Variants in CBLB observed in about 807,000 individuals in gnomAD.
The protein encoded by CBLB is E3 ubiquitin-protein ligase CBL-B.
Under a neutral mutation model 104.9 loss-of-function variants are expected in CBLB, and 31 were observed. The observed-to-expected ratio is 0.30, with a 90% CI of 0.22 to 0.40. The LOEUF (loss-of-function observed/expected upper bound fraction) is 0.40. Ranked by LOEUF, CBLB falls within the 10% of genes least tolerant of loss-of-function variation. The probability of loss-of-function intolerance (pLI) is 1.00; values close to 1 mark genes in which losing one functional copy is unlikely to be tolerated. For synonymous variants in CBLB, 440 were observed against 422.6 expected (o/e 1.04, Z -0.51); for missense variants, 1,062 against 1,214.6 (o/e 0.87, Z 1.87).
At chr3:105,682,057 G>A in intron 14 of CBLB, 1 of 482,158 alleles carries the variant, frequency 2.1e-6, no homozygotes, top group South Asian at 2.4e-5. Flanking sequence ...AATTACAAGG[G>A]CCACAAAAAT....
chr3:105,684,508 G>C (rs2066749611), intron 14 of CBLB, among the ~76,000 whole-genome samples: 1 of 151,504 alleles, frequency 6.6e-6, no homozygotes, highest in Admixed American at 6.6e-5. Context: ...CCATGTAAGT[G>C]AGAATAAGCC....
chr3:105,809,150 C>T (rs900428105), intron 3 of CBLB, among the ~76,000 whole-genome samples: 2 of 152,196 alleles, frequency 1.3e-5, no homozygotes, highest in Admixed American at 6.5e-5. Flanking sequence ...GACAAATACA[C>T]ACATAAAGCA....
chr3:105,852,081 C>T (rs1201295348), intron 3 of CBLB, among the ~76,000 whole-genome samples: 1 of 152,086 alleles, frequency 6.6e-6, no homozygotes, highest in Non-Finnish European at 1.5e-5. Flanking sequence ...ATACTATAAA[C>T]TTTTTAACAT....
At chr3:105,738,346 C>A (rs1421264762) in intron 7 of CBLB, among the ~76,000 whole-genome samples, 2 of 151,970 alleles carry the variant, frequency 1.3e-5, no homozygotes, top group Non-Finnish European at 2.9e-5. Flanking sequence ...TAGTAAGGGA[C>A]AAATCAGTGA....
intron 3 of CBLB, among the ~76,000 whole-genome samples, chr3:105,843,117 T>C (rs1259079144): frequency 1.3e-5 from 2 of 152,216 alleles, no homozygotes; most frequent in African/African-American, 4.8e-5. Context: ...CGCTGACTAA[T>C]TGCCAGAGAC....
intron 13 of CBLB, among the ~76,000 whole-genome samples, chr3:105,690,647 C>T (rs1203170844): frequency 1.3e-5 from 2 of 151,916 alleles, no homozygotes; most frequent in Non-Finnish European, 2.9e-5. Context: ...TATGGTGAAA[C>T]CCCGTCTCCA....
At chr3:105,838,343 C>G (rs1010668383) in intron 3 of CBLB, among the ~76,000 whole-genome samples, 7 of 129,432 alleles carry the variant, frequency 5.4e-5, no homozygotes, top group Non-Finnish European at 1.1e-4. Flanking sequence ...CAATATTTGA[C>G]AATATATCAT....
At chr3:105,798,555 T>C (rs1045835567) in intron 3 of CBLB, among the ~76,000 whole-genome samples, 3 of 152,178 alleles carry the variant, frequency 2.0e-5, no homozygotes, top group African/African-American at 7.2e-5. Context: ...CATCTGATCA[T>C]ACAGACCACA....
intron 9 of CBLB, among the ~76,000 whole-genome samples, chr3:105,729,987 T>C (rs1409306089): frequency 1.3e-5 from 2 of 152,182 alleles, no homozygotes; most frequent in African/African-American, 2.4e-5. Flanking sequence ...TATCCAAAAG[T>C]AGAAATGTTC....
intron 9 of CBLB, among the ~76,000 whole-genome samples, chr3:105,727,655 C>T (rs1279490904): frequency 6.6e-6 from 1 of 152,106 alleles, no homozygotes; most frequent in Non-Finnish European, 1.5e-5. Flanking sequence ...AGGTTTTCTT[C>T]TAGGGTTTTT....
chr3:105,773,865 C>A (rs747212477), intron 4 of CBLB, among the ~76,000 whole-genome samples: 2 of 152,188 alleles, frequency 1.3e-5, no homozygotes, highest in Non-Finnish European at 2.9e-5. Flanking sequence ...AATCCCCCAA[C>A]AAATTTGCCA....
chr3:105,696,907 T>C (rs536638743), intron 12 of CBLB, among the ~76,000 whole-genome samples: 251 of 152,038 alleles, frequency 1.7e-3, no homozygotes, highest in African/African-American at 5.6e-3. Context: ...CTCCATGCTA[T>C]TTCTTTCTGT....
At chr3:105,829,504 TA>T (rs2087099922) in intron 3 of CBLB, among the ~76,000 whole-genome samples, 1 of 151,308 alleles carries the variant, frequency 6.6e-6, no homozygotes, top group Non-Finnish European at 1.5e-5. Flanking sequence ...ACAAAAAATT[TA>T]AAAATCAGCC....
In CBLB at chr3:105,741,007, T is replaced by C. The variant is rs1277453533; in HGVS notation, c.846-376A>G. Reference sequence around the variant, plus strand: ...TAAAATAAATAAGTAAAAATTTAAATTTAATTTGCCTACCTCAGACAAAAA... The same window carrying C: ...TAAAATAAATAAGTAAAAATTTAAACTTAATTTGCCTACCTCAGACAAAAA... On this transcript the variant is annotated intron_variant, in intron 6 of 18. Coordinates refer to ENST00000394030, the MANE Select transcript of CBLB (RefSeq NM_170662.5). Among the ~76,000 whole-genome samples the C allele has an allele frequency of 6.6e-5, 10 of 151,826 alleles. 1 individual carries two copies. Among genetic ancestry groups the C allele is most frequent in the Admixed American group, 6.6e-4 (10 of 15,230 alleles).
chr3:105,828,792 T>A (rs886559778), intron 3 of CBLB, among the ~76,000 whole-genome samples: 2 of 152,118 alleles, frequency 1.3e-5, no homozygotes, highest in African/African-American at 4.8e-5. Flanking sequence ...CACAACCTAC[T>A]CGATTTTAAC....
At chr3:105,867,112 C>T (rs12487841) in intron 2 of CBLB, among the ~76,000 whole-genome samples, 13,068 of 152,186 alleles carry the variant, frequency 0.086, 649 homozygotes, top group Admixed American at 0.12. Context: ...AGAACAAACA[C>T]TTCCAAGCAT....
intron 3 of CBLB, among the ~76,000 whole-genome samples, chr3:105,778,471 C>T (rs1464801783): frequency 6.6e-6 from 1 of 151,774 alleles, no homozygotes; most frequent in Admixed American, 6.6e-5. Context: ...AAAAAAGATA[C>T]CCATGATCAA....
intron 6 of CBLB, among the ~76,000 whole-genome samples, chr3:105,744,849 G>A (rs533399120): frequency 1.3e-5 from 2 of 152,146 alleles, no homozygotes; most frequent in Non-Finnish European, 2.9e-5. Flanking sequence ...AGAATTGCTC[G>A]AACCAGGGAG....
At chr3:105,798,486 A>G (rs2399056) in intron 3 of CBLB, among the ~76,000 whole-genome samples, 101,600 of 152,122 alleles carry the variant, frequency 0.67, 35,004 homozygotes, top group Middle Eastern at 0.79. Flanking sequence ...GGCACGTTAC[A>G]TTATAACCAC....
Sources: allele counts gnomAD v4.1 joint callset (sites outside exome capture counted in the v4.1 genomes callset), GRCh38; gene constraint gnomAD v4.1.1; transcripts MANE v1.5; gene names NCBI Gene and HGNC (gene_info 2026-07-23, HGNC 2026-07-21).